ARHGAP24: variants seen among roughly 807,000 people sequenced by gnomAD.
ARHGAP24 encodes rho GTPase-activating protein 24.
In ARHGAP24, 50 loss-of-function variants were observed where a neutral mutation model predicts 76.4. The ratio of observed to expected loss-of-function variants is 0.65; its 90% CI spans 0.52 to 0.83. ARHGAP24 has a LOEUF of 0.83. Among genes scored for constraint, ARHGAP24 ranks in the 40% least tolerant of loss-of-function variants. The pLI is 0.00. For missense variants in ARHGAP24, 930 were observed against 914.2 expected (o/e 1.02, Z -0.22); for synonymous variants, 345 against 323.3 (o/e 1.07, Z -0.72).
intron 3 of ARHGAP24, among the ~76,000 whole-genome samples, chr4:85,882,487 CTA>C (rs1246274810): frequency 6.6e-6 from 1 of 152,084 alleles, no homozygotes; most frequent in Admixed American, 6.5e-5. Context: ...TCCGGCTCTG[CTA>C]TTAGCTTGTT....
chr4:85,736,414 G>A (rs1725609048), intron 3 of ARHGAP24, among the ~76,000 whole-genome samples: 1 of 152,166 alleles, frequency 6.6e-6, no homozygotes, highest in South Asian at 2.1e-4. Flanking sequence ...GCACAGGAAG[G>A]TAGTGTAATG....
chr4:85,896,730 A>G (rs967115687), intron 3 of ARHGAP24, among the ~76,000 whole-genome samples: 9 of 152,068 alleles, frequency 5.9e-5, no homozygotes, highest in Non-Finnish European at 7.4e-5. Flanking sequence ...TCAGCCCCCA[A>G]TATTGCAATA....
chr4:85,524,881 A>T (rs1724919123), intron 1 of ARHGAP24, among the ~76,000 whole-genome samples: 1 of 152,170 alleles, frequency 6.6e-6, no homozygotes, highest in South Asian at 2.1e-4. Flanking sequence ...CATATAAAGC[A>T]TGTTAGGCAG....
At chr4:85,782,984 T>C (rs1727635055) in intron 3 of ARHGAP24, among the ~76,000 whole-genome samples, 1 of 152,180 alleles carries the variant, frequency 6.6e-6, no homozygotes, top group Non-Finnish European at 1.5e-5. Context: ...GAGTATTTGT[T>C]ACTTAGTATA....
chr4:85,894,970 AAAAAAAAAAAAAAAAAAAC>A (rs1734065539), intron 3 of ARHGAP24, among the ~76,000 whole-genome samples: 3 of 39,042 alleles, frequency 7.7e-5, no homozygotes, highest in Non-Finnish European at 1.5e-4. Flanking sequence ...CAAAAAAAAA[AAAAAAAAAAAAAAAAAAAC>A]AAAACAAAAA....
intron 2 of ARHGAP24, among the ~76,000 whole-genome samples, chr4:85,673,817 G>GC (rs5859993): frequency 0.94 from 142,143 of 151,220 alleles, 66,885 homozygotes; most frequent in African/African-American, 0.98. Flanking sequence ...AACTGCCAGG[G>GC]CGTATTTTCA....
intron 5 of ARHGAP24, among the ~76,000 whole-genome samples, chr4:85,952,156 G>C (rs1183892172): frequency 6.6e-6 from 1 of 152,152 alleles, no homozygotes; most frequent in Non-Finnish European, 1.5e-5. Flanking sequence ...AGATTTAGAT[G>C]TGTCAAAATT....
intron 2 of ARHGAP24, among the ~76,000 whole-genome samples, chr4:85,685,309 T>G (rs1009060272): frequency 6.6e-6 from 1 of 152,166 alleles, no homozygotes; most frequent in African/African-American, 2.4e-5. Flanking sequence ...TCTAATTTCC[T>G]TGCTGTCTTT....
At chr4:85,717,473 G>C (rs942311333) in intron 2 of ARHGAP24, among the ~76,000 whole-genome samples, 4 of 152,090 alleles carry the variant, frequency 2.6e-5, no homozygotes, top group Non-Finnish European at 4.4e-5. Context: ...AGCTGCTACA[G>C]ATACCAAGTG....
intron 4 of ARHGAP24, among the ~76,000 whole-genome samples, chr4:85,933,801 G>T (rs1736483719): frequency 6.6e-6 from 1 of 152,094 alleles, no homozygotes; most frequent in African/African-American, 2.4e-5. Flanking sequence ...CTTGATTGTT[G>T]TGATCCCAGG....
intron 3 of ARHGAP24, among the ~76,000 whole-genome samples, chr4:85,768,959 A>C (rs1165140464): frequency 1.3e-5 from 2 of 152,188 alleles, no homozygotes; most frequent in Non-Finnish European, 2.9e-5. Context: ...AGACCCCACA[A>C]ATGTTGATTG....
In ARHGAP24 at chr4:86,001,259, T is replaced by A; in HGVS notation, c.*537T>A. 2.5e-6 allele frequency: 1 copy of A among 399,052 alleles called. No individual in the cohort carries two copies. The highest frequency in any genetic ancestry group is 4.4e-6 in the Non-Finnish European group (1 of 226,102). 24.7% of individuals were successfully genotyped at this position (399,052 alleles called of 1,614,324 possible). On this transcript the variant is annotated 3_prime_UTR_variant, in exon 10 of 10. Coordinates refer to ENST00000395184, the MANE Select transcript of ARHGAP24 (RefSeq NM_001025616.3). ...GTGCTGTTTGTGCCAATAGACTTTG[T>A]CATGACCAAAAAGAGAAATGTAAAT...
At chr4:85,907,453 A>C (rs1734828821) in intron 3 of ARHGAP24, among the ~76,000 whole-genome samples, 1 of 152,106 alleles carries the variant, frequency 6.6e-6, no homozygotes, top group African/African-American at 2.4e-5. Flanking sequence ...CCTCTTTTTG[A>C]AATTGCTTTC....
At chr4:85,736,893 A>G (rs891472844) in intron 3 of ARHGAP24, among the ~76,000 whole-genome samples, 5 of 152,182 alleles carry the variant, frequency 3.3e-5, no homozygotes, top group Non-Finnish European at 4.4e-5. Context: ...AAACTATCCC[A>G]CTAGTCTACC....
At chr4:85,721,582 G>C (rs1239780861) in intron 2 of ARHGAP24, among the ~76,000 whole-genome samples, 1 of 152,034 alleles carries the variant, frequency 6.6e-6, no homozygotes, top group Non-Finnish European at 1.5e-5. Flanking sequence ...ATATGGTGCG[G>C]GTAGAATGCT....
intron 5 of ARHGAP24, among the ~76,000 whole-genome samples, chr4:85,944,317 T>C (rs1341078151): frequency 6.6e-6 from 1 of 152,210 alleles, no homozygotes; most frequent in Non-Finnish European, 1.5e-5. Context: ...GCATTGGAGT[T>C]TTTGGATAAG....
intron 2 of ARHGAP24, among the ~76,000 whole-genome samples, chr4:85,670,452 A>G (rs1414197932): frequency 6.6e-6 from 1 of 152,174 alleles, no homozygotes; most frequent in Non-Finnish European, 1.5e-5. Flanking sequence ...ATATTAAATT[A>G]ATACGTTCTC....
intron 9 of ARHGAP24, 64 bp downstream of exon 9, chr4:85,995,721 G>A: frequency 3.4e-6 from 5 of 1,473,824 alleles, no homozygotes; most frequent in Non-Finnish European, 4.7e-6. Flanking sequence ...TGTGGGACAG[G>A]ATCACACTGA....
chr4:85,646,163 T>C (rs1436890252), intron 2 of ARHGAP24, among the ~76,000 whole-genome samples: 1 of 152,108 alleles, frequency 6.6e-6, no homozygotes, highest in African/African-American at 2.4e-5. Flanking sequence ...TGAAGCTCCA[T>C]ATCATCCTGT....
Sources: allele counts gnomAD v4.1 joint callset (sites outside exome capture counted in the v4.1 genomes callset), GRCh38; gene constraint gnomAD v4.1.1; transcripts MANE v1.5; gene names NCBI Gene and HGNC (gene_info 2026-07-23, HGNC 2026-07-21).